RAPGEF3: variants seen among roughly 807,000 people sequenced by gnomAD.
The protein encoded by RAPGEF3 is Rap guanine nucleotide exchange factor 3.
Under a neutral mutation model 129.8 loss-of-function variants are expected in RAPGEF3, and 103 were observed. That is an observed-to-expected ratio of 0.79 (90% CI 0.68 to 0.93). The LOEUF is 0.93. RAPGEF3 is among the 40% of genes least tolerant of loss of function. RAPGEF3 has a pLI of 0.00. For synonymous variants in RAPGEF3, 436 were observed against 482.6 expected, an observed-to-expected ratio of 0.90 and a Z score of 1.26; for missense variants, 1,117 against 1,207.4, an observed-to-expected ratio of 0.93 and a Z score of 1.11.
In RAPGEF3 at chr12:47,735,471, G is replaced by A. The variant is rs60186089; in HGVS notation, c.*2096C>T. The A allele has an allele frequency of 0.1, 15,514 of 152,244 alleles. 820 individuals are homozygous for A. The highest frequency in any genetic ancestry group is 0.13 in the African/African-American group (5,354 of 41,532). 9.4% of individuals were successfully genotyped at this position (152,244 alleles called of 1,614,324 possible). A position where few individuals can be genotyped will look rare whatever the true frequency, so the allele number is the denominator to read the frequency against. On this transcript the variant is annotated 3_prime_UTR_variant, in exon 28 of 28. Transcript: ENST00000449771. ...TGGGAGTGGCCTGGCCCCCTGGGCC[G>A]CAACTCTTCTAGCTCCCAGAGTCTG...
intron 2 of RAPGEF3, chr12:47,755,665 C>G (rs1942011369): frequency 6.6e-6 from 1 of 152,252 alleles, no homozygotes; most frequent in Non-Finnish European, 1.5e-5. Context: ...AGCCCTCCTA[C>G]TGTAACCCGC....
rs1940767855 is a variant in RAPGEF3, at chr12:47,735,418, T to C, written c.*2149A>G. The stretch of plus-strand genomic sequence containing the variant: ...CATGGGGCCACCGTAACATGGAGCC[T>C]TTCCCCGCTTTTGGGCCTCCTGTCC... On this transcript the variant is annotated 3_prime_UTR_variant, in exon 28 of 28. Coordinates refer to ENST00000449771, the MANE Select transcript of RAPGEF3 (RefSeq NM_001098531.4). 1 of 152,316 alleles carries C rather than the reference T, an allele frequency of 6.6e-6. No homozygotes were observed. Among genetic ancestry groups the C allele is most frequent in the South Asian group, 2.1e-4 (1 of 4,834 alleles). 9.4% of individuals were successfully genotyped at this position (152,316 alleles called of 1,614,324 possible).
rs566550955 is a variant in RAPGEF3 at position 47,749,517 on chromosome 12, T to A, written c.914A>T (p.His305Leu). The A allele has an allele frequency of 1.9e-6, 3 of 1,610,944 alleles. No homozygotes were observed. In the East Asian group the frequency reaches 6.7e-5, roughly 36 times the overall value. The change falls in exon 10 of 28, where the codon CAT (histidine) becomes CTT (leucine). Residue 305 changes from histidine (H) to leucine (L), a missense_variant. By Grantham distance (99) the His-to-Leu change is moderately conservative (BLOSUM62 -3). This residue lies in a region of RAPGEF3 where 107 missense variants were observed against 160.7 expected (regional missense o/e 0.67). Transcript: ENST00000449771. The surrounding 1 kb of genome is among the most constrained non-coding windows in gnomAD (Gnocchi z 4.5). ...CAGCTGTCCAAAATCATCTCCCTCA[T>A]GCAGGGTGGTCACCAGCCCCTGCAG... ...THGKGLVTTLHEGDDFGQLAL... is the reference protein window; with the variant it reads ...THGKGLVTTLLEGDDFGQLAL...
chr12:47,737,985 C>CCCCCAACCAG, intron 27 of RAPGEF3, 37 bp downstream of exon 27: 1 of 1,544,188 alleles, frequency 6.5e-7, no homozygotes, highest in Non-Finnish European at 9.0e-7. Context: ...ACCATAAGCA[C>CCCCCAACCAG]CCCCTCCCTG....
intron 11 of RAPGEF3, 93 bp downstream of exon 11, chr12:47,748,726 C>A (rs955206572): frequency 2.6e-5 from 29 of 1,119,062 alleles, no homozygotes; most frequent in Non-Finnish European, 3.3e-5. Context: ...CCACAAGTGG[C>A]CAGAGGGCAG....
rs201203454 is a variant in RAPGEF3 at position 47,739,154 on chromosome 12, A to G, written c.2450T>C (p.Leu817Pro). 1 of 1,598,448 alleles carries G rather than the reference A, an allele frequency of 6.3e-7. No homozygotes were observed. Among genetic ancestry groups the G allele is most frequent in the African/African-American group, 1.4e-5 (1 of 74,034 alleles). The stretch of plus-strand genomic sequence containing the variant: ...GGAAGCCCTGTTACCTTTGAGAAGA[A>G]GGGGCATGAAGGGGATGACAGGAGG... The part of the protein sequence containing the change: ...LSPPVIPFMP[L>P]LLKDMTFIHE... The change falls in exon 24 of 28, where the codon CTT becomes CCT. Residue 817 changes from leucine (L) to proline (P), a missense_variant. Physicochemically the swap from Leu to Pro is moderately conservative, Grantham distance 98. Coordinates refer to ENST00000449771, the MANE Select transcript of RAPGEF3 (RefSeq NM_001098531.4).
In RAPGEF3 at chr12:47,736,196, G is replaced by A. The variant is rs1940794704; in HGVS notation, c.*1371C>T. 1 of 152,302 alleles carries A rather than the reference G, an allele frequency of 6.6e-6. No homozygotes were observed. Among genetic ancestry groups the A allele is most frequent in the African/African-American group, 2.4e-5 (1 of 41,470 alleles). 9.4% of individuals were successfully genotyped at this position (152,302 alleles called of 1,614,324 possible). A position where few individuals can be genotyped will look rare whatever the true frequency, so the allele number is the denominator to read the frequency against. On this transcript the variant is annotated 3_prime_UTR_variant, in exon 28 of 28. Coordinates refer to ENST00000449771, the MANE Select transcript of RAPGEF3 (RefSeq NM_001098531.4). Reference sequence around the variant, plus strand: ...TGCTCAGATTCACTTAGTGACCTGAGGTCTAAGCCCAGCTGTGCTGCCTCC... The same window carrying A: ...TGCTCAGATTCACTTAGTGACCTGAAGTCTAAGCCCAGCTGTGCTGCCTCC...
chr12:47,740,774 G>C lies in RAPGEF3; in HGVS notation c.2099C>G (p.Thr700Ser). 1 of 1,614,100 alleles carries C rather than the reference G, an allele frequency of 6.2e-7. No homozygotes were observed. The highest frequency in any genetic ancestry group is 8.5e-7 in the Non-Finnish European group (1 of 1,180,008). The change falls in exon 21 of 28, where the codon ACC becomes AGC. Residue 700 changes from threonine to serine, a missense_variant. Transcript: ENST00000449771. ...CATGAAGCGCTCCAGGTTGGCGGTG[G>C]TGACATCCCGCAGATGCTGGGGGCC... Reference protein sequence around the residue: ...VLGPQHLRDVTTANLERFMRR... With the variant: ...VLGPQHLRDVSTANLERFMRR...
At chr12:47,739,780 A>C (rs2074534) in intron 23 of RAPGEF3, 6 of 403,914 alleles carry the variant, frequency 1.5e-5, no homozygotes, top group Non-Finnish European at 2.8e-5. Context: ...TGGTGCACAC[A>C]GGCGCTCCAT....
At chr12:47,746,497 T>G (rs1941423521) in intron 16 of RAPGEF3, 1 of 596,428 alleles carries the variant, frequency 1.7e-6, no homozygotes, top group Non-Finnish European at 2.9e-6. Flanking sequence ...CTCGCCTTCC[T>G]CTGAGCTCCC....
At chr12:47,758,219 G>C (rs1279025290) in intron 1 of RAPGEF3, 141 bp from the exon 2 acceptor site, 2 of 1,436,692 alleles carry the variant, frequency 1.4e-6, no homozygotes, top group Non-Finnish European at 1.8e-6. Flanking sequence ...GCCAGGAGCT[G>C]GGGGGAGGAA....
rs369212454 is a variant in RAPGEF3, at chr12:47,737,383, G to A, written c.*184C>T. 6.2e-4 allele frequency: 378 copies of A among 605,148 alleles called. 3 individuals are homozygous for A. Among genetic ancestry groups the A allele is most frequent in the African/African-American group, 5.5e-3 (295 of 53,934 alleles). The allele number at this position is 605,148 out of a possible 1,614,324, so 37.5% of individuals were successfully genotyped here. ...GTTATTCCTGGCTCGGGTCCACTCC[G>A]AGGTCCTCCTTAGCTGCCAGTCATC... On this transcript the variant is annotated 3_prime_UTR_variant, in exon 28 of 28. Coordinates refer to ENST00000449771, the MANE Select transcript of RAPGEF3 (RefSeq NM_001098531.4).
intron 2 of RAPGEF3, among the ~76,000 whole-genome samples, chr12:47,756,997 G>A (rs1224908844): frequency 4.0e-5 from 6 of 151,672 alleles, no homozygotes; most frequent in Non-Finnish European, 8.8e-5. Flanking sequence ...AAAGAAAAAA[G>A]AAATGAACTC....
chr12:47,751,845 G>A lies in RAPGEF3; in HGVS notation c.274-16C>T. Reference sequence around the variant, plus strand: ...CTGTGGAGGCCTTAGAGGGAGGAAGGGCACAGCAGTTCAGGCTCTGAACCC... The same window carrying A: ...CTGTGGAGGCCTTAGAGGGAGGAAGAGCACAGCAGTTCAGGCTCTGAACCC... On this transcript the variant is annotated splice_polypyrimidine_tract_variant and intron_variant, in intron 3 of 27. Coordinates refer to ENST00000449771, the MANE Select transcript of RAPGEF3 (RefSeq NM_001098531.4). The A allele has an allele frequency of 6.2e-7, 1 of 1,614,132 alleles. No individual in the cohort carries two copies. Among genetic ancestry groups the A allele is most frequent in the Non-Finnish European group, 8.5e-7 (1 of 1,179,988 alleles).
rs967746021 is a variant in RAPGEF3 at position 47,751,512 on chromosome 12, C to T, written c.389G>A (p.Cys130Tyr). Residue 130 changes from cysteine to tyrosine, a missense_variant, in exon 5 of 28, where the codon TGC becomes TAC. Physicochemically the swap from Cys to Tyr is radical, Grantham distance 194. Around this residue, in one of 3 missense-constraint regions of RAPGEF3, gnomAD observed 367 missense variants for 373.4 expected, o/e 0.98. Coordinates refer to ENST00000449771, the MANE Select transcript of RAPGEF3 (RefSeq NM_001098531.4). Reference protein sequence around the residue: ...KYHLRLYRQCCSGRELVDGIL... With the variant: ...KYHLRLYRQCYSGRELVDGIL... ...CCCATCCACCAGCTCCCGGCCAGAGCAGCACTGCCTATGGAAGGTAGAAGG... is the reference window on the plus strand; with the variant it reads ...CCCATCCACCAGCTCCCGGCCAGAGTAGCACTGCCTATGGAAGGTAGAAGG... 1.2e-6 allele frequency: 2 copies of T among 1,614,234 alleles called. No homozygotes were observed. The highest frequency in any genetic ancestry group is 8.5e-7 in the Non-Finnish European group (1 of 1,180,038).
At position 47,758,363 on chromosome 12, in the gene RAPGEF3, C is replaced by T. The variant is rs190932059; in HGVS notation, c.6+188G>A. 1.1e-3 allele frequency: 1,632 copies of T among 1,471,546 alleles called. 38 individuals are homozygous for T. In the Admixed American group the frequency reaches 0.038, roughly 35 times the overall value. 91.2% of individuals were successfully genotyped at this position (1,471,546 alleles called of 1,614,324 possible). ...TCACTGCCCATGCCCCTGCAGGGAT[C>T]TCCACTACCTCCCAGTATGAAGCTA... On this transcript the variant is annotated intron_variant, in intron 1 of 27. Coordinates refer to ENST00000449771, the MANE Select transcript of RAPGEF3 (RefSeq NM_001098531.4).
rs568242352 is a variant in RAPGEF3, at chr12:47,737,164, T to G, written c.*403A>C. 358 of 239,944 alleles carry G rather than the reference T, an allele frequency of 1.5e-3. No individual in the cohort carries two copies. The highest frequency in any genetic ancestry group is 3.0e-3 in the Middle Eastern group (2 of 672). 14.9% of individuals were successfully genotyped at this position (239,944 alleles called of 1,614,324 possible). On this transcript the variant is annotated 3_prime_UTR_variant, in exon 28 of 28. Transcript: ENST00000449771. ...GCCCTTGCCACACACGGTACACACA[T>G]GCAGCCTCTCTCTCTCTCTCTGTCC...
chr12:47,739,804 G>A (rs1002503678), intron 23 of RAPGEF3: 1 of 447,262 alleles, frequency 2.2e-6, no homozygotes, highest in Non-Finnish European at 4.1e-6. Context: ...AGGCCCTTGG[G>A]CTCTGGAGCC....
intron 2 of RAPGEF3, chr12:47,756,461 G>A: frequency 6.6e-6 from 1 of 152,222 alleles, no homozygotes; most frequent in Non-Finnish European, 1.5e-5. Context: ...AGCGGAGGAG[G>A]ACCCAGGCTC....
Sources: gnomAD v4.1 joint callset for allele counts (sites outside exome capture counted in the v4.1 genomes callset) on GRCh38, gnomAD v4.1.1 for gene constraint, gnomAD v4.1.1 regional missense constraint, Gnocchi (gnomAD v3.1) non-coding constraint, MANE v1.5 for transcripts, NCBI Gene and HGNC (gene_info 2026-07-23, HGNC 2026-07-21) for gene names.